The following CCSER1 variants were observed in gnomAD, a reference collection of about 807,000 sequenced individuals.
CCSER1 encodes serine-rich coiled-coil domain-containing protein 1.
In CCSER1, 41 loss-of-function variants were observed where a neutral mutation model predicts 82.0. The observed-to-expected ratio is 0.50, with a 90% confidence interval of 0.39 to 0.65. The LOEUF is 0.65. Ranked by LOEUF, CCSER1 falls within the 30% of genes least tolerant of loss-of-function variation. The probability of loss-of-function intolerance (pLI) is 0.00; values close to 1 mark genes in which losing one functional copy is unlikely to be tolerated. For missense variants in CCSER1, 1,119 were observed against 1,064.2 expected (o/e 1.05, Z -0.72); for synonymous variants, 414 against 383.9 (o/e 1.08, Z -0.92).
intron 10 of CCSER1, among the ~76,000 whole-genome samples, chr4:91,434,301 C>A (rs1398670952): frequency 6.6e-6 from 1 of 151,112 alleles, no homozygotes; most frequent in South Asian, 2.1e-4. Context: ...AGGTTATGTT[C>A]GTAATTAGAA....
At chr4:90,163,561 C>T (rs1729886023) in intron 1 of CCSER1, among the ~76,000 whole-genome samples, 1 of 152,082 alleles carries the variant, frequency 6.6e-6, no homozygotes, top group Admixed American at 6.6e-5. Context: ...CACTGATTCA[C>T]TATTTGATTT....
chr4:91,516,448 A>G (rs1242803790), intron 10 of CCSER1, among the ~76,000 whole-genome samples: 1 of 152,168 alleles, frequency 6.6e-6, no homozygotes, highest in Non-Finnish European at 1.5e-5. Flanking sequence ...TCCCAGCACC[A>G]TTTATTGAAT....
At chr4:90,918,399 G>C (rs903026945) in intron 8 of CCSER1, 1 of 378,964 alleles carries the variant, frequency 2.6e-6, no homozygotes, top group Non-Finnish European at 5.2e-6. Context: ...ATTTCAGCTC[G>C]TTTTACAGCA....
chr4:90,617,669 T>G (rs892228308), intron 5 of CCSER1, among the ~76,000 whole-genome samples: 6 of 152,154 alleles, frequency 3.9e-5, no homozygotes, highest in African/African-American at 1.4e-4. Flanking sequence ...ATGTATCATG[T>G]TTATACATAT....
At chr4:90,427,164 A>G (rs1470010806) in intron 4 of CCSER1, among the ~76,000 whole-genome samples, 1 of 152,022 alleles carries the variant, frequency 6.6e-6, no homozygotes. Flanking sequence ...AAACTAATAT[A>G]GATAGTTTTC....
intron 1 of CCSER1, among the ~76,000 whole-genome samples, chr4:90,173,007 G>A (rs757103580): frequency 4.6e-5 from 7 of 151,736 alleles, no homozygotes; most frequent in Non-Finnish European, 1.0e-4. Flanking sequence ...ATTACAGATA[G>A]ATAAGACCCT....
chr4:90,649,719 A>C (rs956682127), intron 6 of CCSER1: 18 of 152,352 alleles, frequency 1.2e-4, no homozygotes, highest in Admixed American at 6.5e-5. Context: ...GGGTACTTTG[A>C]AACTAATATT....
intron 6 of CCSER1, among the ~76,000 whole-genome samples, chr4:90,715,664 G>T (rs1741504611): frequency 6.6e-6 from 1 of 151,942 alleles, no homozygotes; most frequent in Non-Finnish European, 1.5e-5. Flanking sequence ...CAGAGCTTTT[G>T]TTTACCTTCG....
At chr4:91,568,461 T>A (rs904575561) in intron 10 of CCSER1, among the ~76,000 whole-genome samples, 1 of 152,240 alleles carries the variant, frequency 6.6e-6, no homozygotes, top group African/African-American at 2.4e-5. Context: ...GTTTGCTTTC[T>A]ACCCTTTCCT....
chr4:91,119,821 A>G (rs1243232531), intron 10 of CCSER1, among the ~76,000 whole-genome samples: 1 of 152,062 alleles, frequency 6.6e-6, no homozygotes, highest in Non-Finnish European at 1.5e-5. Context: ...TGCATTTTAT[A>G]TGTATAAATA....
At chr4:90,427,331 GA>G (rs1322763310) in intron 4 of CCSER1, among the ~76,000 whole-genome samples, 1 of 151,754 alleles carries the variant, frequency 6.6e-6, no homozygotes, top group Admixed American at 6.6e-5. Flanking sequence ...TTTATATGAG[GA>G]AATTAAAATC....
In CCSER1 at chr4:91,490,736, G is replaced by A. The variant is rs1176153321; in HGVS notation, c.2218-107836G>A. ...TACAGTTAACAGTAATCTAGTATAT[G>A]TTTTAAAATAACCAAGAGTATAATT... On this transcript the variant is annotated intron_variant, in intron 10 of 10. Transcript: ENST00000509176. 2.0e-5 allele frequency among the ~76,000 whole-genome samples: 3 copies of A among 149,436 alleles called. No individual in the cohort carries two copies. The East Asian group carries it at 6.0e-4, about 30-fold the overall frequency.
intron 1 of CCSER1, among the ~76,000 whole-genome samples, chr4:90,210,858 T>TA (rs1013155903): frequency 1.3e-5 from 2 of 152,208 alleles, no homozygotes; most frequent in Non-Finnish European, 2.9e-5. Context: ...AAATCCTATG[T>TA]AAAACATTTT....
At chr4:90,403,343 CA>C (rs1753179376) in intron 4 of CCSER1, among the ~76,000 whole-genome samples, 1 of 151,048 alleles carries the variant, frequency 6.6e-6, no homozygotes, top group African/African-American at 2.4e-5. Context: ...ACTAAAAATA[CA>C]AAAAATTAGC....
intron 5 of CCSER1, among the ~76,000 whole-genome samples, chr4:90,525,360 A>C (rs1773623691): frequency 6.6e-6 from 1 of 152,146 alleles, no homozygotes; most frequent in African/African-American, 2.4e-5. Context: ...CTGTCTTTAT[A>C]AAAAGTTAGT....
intron 10 of CCSER1, among the ~76,000 whole-genome samples, chr4:91,514,179 A>G (rs1759976898): frequency 6.6e-6 from 1 of 152,124 alleles, no homozygotes; most frequent in South Asian, 2.1e-4. Context: ...TATTTCAAAT[A>G]ATTTTTTTAT....
At chr4:91,447,484 T>C (rs947941814) in intron 10 of CCSER1, among the ~76,000 whole-genome samples, 7 of 152,244 alleles carry the variant, frequency 4.6e-5, no homozygotes, top group Middle Eastern at 3.4e-3. Context: ...ACAAATCACT[T>C]CCTTCTCCAT....
chr4:90,652,045 A>G (rs1728848671), intron 6 of CCSER1, among the ~76,000 whole-genome samples: 1 of 152,166 alleles, frequency 6.6e-6, no homozygotes, highest in East Asian at 1.9e-4. Flanking sequence ...GTGTTCTGCT[A>G]GCATTTATGA....
chr4:91,564,451 C>CTCTT (rs1223474150), intron 10 of CCSER1, among the ~76,000 whole-genome samples: 1 of 151,884 alleles, frequency 6.6e-6, no homozygotes, highest in African/African-American at 2.4e-5. Flanking sequence ...CTGCTGTTAG[C>CTCTT]TCTTTGAGGA....
Sources: gnomAD v4.1 joint callset for allele counts (sites outside exome capture counted in the v4.1 genomes callset) on GRCh38, gnomAD v4.1.1 for gene constraint, MANE v1.5 for transcripts, NCBI Gene and HGNC (gene_info 2026-07-23, HGNC 2026-07-21) for gene names.